The following MYO5A variants were observed in gnomAD, a reference collection of about 807,000 sequenced individuals.
MYO5A encodes the protein unconventional myosin-Va.
In MYO5A, 98 loss-of-function variants were observed where a neutral mutation model predicts 249.7. The ratio of observed to expected loss-of-function variants is 0.39; its 90% CI spans 0.33 to 0.46. MYO5A has a LOEUF of 0.46. MYO5A is among the 20% of genes least tolerant of loss of function. The probability of loss-of-function intolerance (pLI) is 0.98; values close to 1 mark genes in which losing one functional copy is unlikely to be tolerated. For missense variants in MYO5A, 1,696 were observed against 2,308.8 expected (o/e 0.73, Z 5.44); for synonymous variants, 778 against 810.6 (o/e 0.96, Z 0.68).
Position 52,490,744 on chromosome 15 carries a change from G to T in MYO5A, c.27+38036C>A, listed in dbSNP as rs191356913. On this transcript the variant is annotated intron_variant, in intron 1 of 41. Coordinates refer to ENST00000399233, the MANE Select transcript of MYO5A (RefSeq NM_001382347.1). ...TTGTTGTTGTTGTTGTTTGAGACAG[G>T]GTCTCATTCTGTTGCCGAGGCTGGA... 1.9e-3 allele frequency among the ~76,000 whole-genome samples: 289 copies of T among 152,090 alleles called. 3 individuals carry two copies. Among genetic ancestry groups the T allele is most frequent in the African/African-American group, 6.7e-3 (277 of 41,468 alleles).
chr15:52,445,257 C>T (rs144513536), intron 1 of MYO5A, among the ~76,000 whole-genome samples: 8 of 152,176 alleles, frequency 5.3e-5, no homozygotes, highest in East Asian at 1.9e-4. Context: ...TTGCAACCTC[C>T]GCCCACCTTC....
rs768188687 is a variant in MYO5A, at chr15:52,359,980, T to C, written c.3411A>G (p.Pro1137=). The C allele has an allele frequency of 3.1e-6, 5 of 1,608,570 alleles. No individual in the cohort carries two copies. In the East Asian group the frequency reaches 6.7e-5, roughly 22 times the overall value. ...SSEIAEMEDI[P]SRTEEPSEKK... ...GTCTAAACTGTACCTCTGTCCTTGATGGAATGTCTTCCATTTCTGCAATTT... is the reference window on the plus strand; with the variant it reads ...GTCTAAACTGTACCTCTGTCCTTGACGGAATGTCTTCCATTTCTGCAATTT... Residue 1137 remains proline, a synonymous_variant, in exon 25 of 42, where the codon CCA becomes CCG. Coordinates refer to ENST00000399233, the MANE Select transcript of MYO5A (RefSeq NM_001382347.1).
At chr15:52,434,312 T>C (rs1334348380) in intron 1 of MYO5A, among the ~76,000 whole-genome samples, 1 of 152,174 alleles carries the variant, frequency 6.6e-6, no homozygotes, top group Non-Finnish European at 1.5e-5. Flanking sequence ...ATTTGGATTT[T>C]TTTATGGTGG....
At chr15:52,483,425 A>G (rs1236320241) in intron 1 of MYO5A, among the ~76,000 whole-genome samples, 1 of 152,196 alleles carries the variant, frequency 6.6e-6, no homozygotes, top group Non-Finnish European at 1.5e-5. Context: ...CTGTGAATTA[A>G]TTTATGATAC....
At chr15:52,520,856 G>T (rs3764229) in intron 1 of MYO5A, among the ~76,000 whole-genome samples, 5 of 151,846 alleles carry the variant, frequency 3.3e-5, no homozygotes, top group Admixed American at 1.3e-4. Context: ...GGCATATATT[G>T]ATTTGTTTCA....
chr15:52,379,795 C>T (rs1567069775), intron 17 of MYO5A, 27 bp downstream of exon 17: 9 of 1,614,100 alleles, frequency 5.6e-6, no homozygotes, highest in Non-Finnish European at 6.8e-6. Flanking sequence ...ATTAGGATCC[C>T]TTACATCTGA....
chr15:52,356,297 C>T (rs2040213054), intron 25 of MYO5A, among the ~76,000 whole-genome samples: 1 of 152,000 alleles, frequency 6.6e-6, no homozygotes, highest in Non-Finnish European at 1.5e-5. Context: ...ACAGAATAAG[C>T]TTTTACAGAA....
At position 52,376,534 on chromosome 15, in the gene MYO5A, T is replaced by C. The variant is rs1443960191; in HGVS notation, c.2233A>G (p.Lys745Glu). 1 of 1,614,222 alleles carries C rather than the reference T, an allele frequency of 6.2e-7. No individual in the cohort carries two copies. The highest frequency in any genetic ancestry group is 1.3e-5 in the African/African-American group (1 of 75,070). Residue 745 changes from lysine (K) to glutamate (E), a missense_variant, in exon 19 of 42, where the codon AAG becomes GAG. Around this residue, in one of 5 missense-constraint regions of MYO5A, gnomAD observed 277 missense variants for 422.4 expected, o/e 0.66. Coordinates refer to ENST00000399233, the MANE Select transcript of MYO5A (RefSeq NM_001382347.1). ...CCGGCACGGAAAAAGATCTTTGTCTTACCAAACTGGTATTTGTCCTTGTCC... is the reference window on the plus strand; with the variant it reads ...CCGGCACGGAAAAAGATCTTTGTCTCACCAAACTGGTATTTGTCCTTGTCC... ...ILDKDKYQFG[K>E]TKIFFRAGQV...
intron 10 of MYO5A, among the ~76,000 whole-genome samples, chr15:52,396,792 T>C (rs2042508186): frequency 6.6e-6 from 1 of 152,138 alleles, no homozygotes; most frequent in Admixed American, 6.5e-5. Flanking sequence ...TCCTACAGGT[T>C]CTTTTGAAAA....
chr15:52,483,051 A>C (rs1469117085), intron 1 of MYO5A, among the ~76,000 whole-genome samples: 2 of 152,218 alleles, frequency 1.3e-5, no homozygotes, highest in Non-Finnish European at 2.9e-5. Context: ...TGTTGGTTCC[A>C]AGGCAGGCCC....
At chr15:52,477,853 G>A (rs2076629524) in intron 1 of MYO5A, among the ~76,000 whole-genome samples, 1 of 152,232 alleles carries the variant, frequency 6.6e-6, no homozygotes, top group African/African-American at 2.4e-5. Context: ...AGGCTACTCA[G>A]GGGTCAGGGA....
chr15:52,485,924 C>G (rs1187837123), intron 1 of MYO5A, among the ~76,000 whole-genome samples: 1 of 152,154 alleles, frequency 6.6e-6, no homozygotes, highest in African/African-American at 2.4e-5. Context: ...ATTTCAAGAG[C>G]CTGGCATTAA....
At chr15:52,511,646 A>G (rs2077391919) in intron 1 of MYO5A, among the ~76,000 whole-genome samples, 1 of 152,198 alleles carries the variant, frequency 6.6e-6, no homozygotes, top group African/African-American at 2.4e-5. Context: ...AAATACTGGA[A>G]TGGGAAGGGA....
intron 1 of MYO5A, among the ~76,000 whole-genome samples, chr15:52,516,903 T>C (rs1432625903): frequency 6.6e-6 from 1 of 152,218 alleles, no homozygotes. Context: ...TTTTTTCTCT[T>C]TTTAAAATTC....
At chr15:52,314,732 A>G (rs941497441) in intron 40 of MYO5A, among the ~76,000 whole-genome samples, 9 of 152,362 alleles carry the variant, frequency 5.9e-5, no homozygotes, top group African/African-American at 2.2e-4. Context: ...AAAGCCCCTA[A>G]AGAAATTAAT....
At position 52,335,462 on chromosome 15, in the gene MYO5A, G is replaced by C. The variant is rs35647857; in HGVS notation, c.4408+1001C>G. On this transcript the variant is annotated intron_variant, in intron 34 of 41. Transcript: ENST00000399233. ...ACCCGGGAAGCAGAGGTTGCAGTGA[G>C]CCGAGATTGCACCACTGCACTCCAG... Among the ~76,000 whole-genome samples the C allele has an allele frequency of 6.9e-3, 981 of 142,136 alleles. 1 individual carries two copies. The highest frequency in any genetic ancestry group is 9.1e-3 in the Admixed American group (122 of 13,380). 93.2% of individuals were successfully genotyped at this position (142,136 alleles called of 152,430 possible).
At chr15:52,464,372 T>C (rs1013414074) in intron 1 of MYO5A, among the ~76,000 whole-genome samples, 1 of 152,232 alleles carries the variant, frequency 6.6e-6, no homozygotes, top group South Asian at 2.1e-4. Context: ...TTCAATGCCA[T>C]TGCTGTACCC....
chr15:52,356,613 CA>C (rs2040230456), intron 25 of MYO5A, among the ~76,000 whole-genome samples: 1 of 150,986 alleles, frequency 6.6e-6, no homozygotes, highest in South Asian at 2.1e-4. Flanking sequence ...ATAAACACCC[CA>C]GTATATAAAT....
At chr15:52,449,994 C>A (rs1262352483) in intron 1 of MYO5A, among the ~76,000 whole-genome samples, 1 of 151,928 alleles carries the variant, frequency 6.6e-6, no homozygotes, top group African/African-American at 2.4e-5. Context: ...AGGGCTAGAT[C>A]CTGTCTCCAA....
Sources: allele counts gnomAD v4.1 joint callset (sites outside exome capture counted in the v4.1 genomes callset), GRCh38; gene constraint gnomAD v4.1.1; regional missense constraint gnomAD v4.1.1; transcripts MANE v1.5; gene names NCBI Gene and HGNC (gene_info 2026-07-23, HGNC 2026-07-21).